RBFOX3: variants seen among roughly 807,000 people sequenced by gnomAD.
RBFOX3 encodes the protein RNA binding protein fox-1 homolog 3.
Under a neutral mutation model 48.7 loss-of-function variants are expected in RBFOX3, and 17 were observed. The observed-to-expected ratio is 0.35, with a 90% CI of 0.24 to 0.52. The LOEUF (loss-of-function observed/expected upper bound fraction) is 0.52. RBFOX3 is among the 20% of genes least tolerant of loss of function. The pLI is 0.94. For missense variants in RBFOX3, 382 were observed against 497.5 expected (o/e 0.77, Z 2.21); for synonymous variants, 212 against 209.5 (o/e 1.01, Z -0.10).
At chr17:79,656,110 T>C in the RBFOX3 span, among the ~76,000 whole-genome samples, 1 of 152,166 alleles carries the variant, frequency 6.6e-6, no homozygotes, top group Admixed American at 6.5e-5. Context: ...AGAACCCACG[T>C]CCTTGTCACA....
intron 2 of RBFOX3, among the ~76,000 whole-genome samples, chr17:79,464,813 C>G (rs1215431326): frequency 1.3e-5 from 2 of 152,266 alleles, no homozygotes; most frequent in African/African-American, 4.8e-5. Context: ...AGGCCAGCCC[C>G]AGCCGCTCAG....
In RBFOX3 at chr17:79,514,910, A is replaced by C. The variant is rs1326318009; in HGVS notation, c.-319-32312T>G. ...TGGGACTTGGTGGGACAGGATGGGG[A>C]GCTTTCCAGAAAGACCAGACAGGAG... On this transcript the variant is annotated intron_variant, in intron 1 of 14. Coordinates refer to ENST00000693108, the MANE Select transcript of RBFOX3 (RefSeq NM_001350451.2). Among the ~76,000 whole-genome samples the C allele has an allele frequency of 3.9e-5, 6 of 152,210 alleles. No individual in the cohort carries two copies. In the East Asian group the frequency reaches 1.2e-3, roughly 29 times the overall value.
At chr17:79,663,445 G>C in the RBFOX3 span, among the ~76,000 whole-genome samples, 1 of 152,174 alleles carries the variant, frequency 6.6e-6, no homozygotes, top group Non-Finnish European at 1.5e-5. Flanking sequence ...GGCTGAGGCT[G>C]TTCTCCTCCC....
At chr17:79,605,234 C>G (rs1052228574) in intron 1 of RBFOX3, among the ~76,000 whole-genome samples, 1 of 152,090 alleles carries the variant, frequency 6.6e-6, no homozygotes, top group Non-Finnish European at 1.5e-5. Context: ...AGACAAGATG[C>G]CTTGGCACAC....
upstream of RBFOX3, among the ~76,000 whole-genome samples, chr17:79,614,261 G>A (rs892909535): frequency 4.6e-5 from 7 of 152,322 alleles, no homozygotes; most frequent in Middle Eastern, 3.4e-3. Context: ...CCTGGGGGCC[G>A]CCAGACACTG....
At chr17:79,631,773 G>A in the RBFOX3 span, among the ~76,000 whole-genome samples, 1 of 152,344 alleles carries the variant, frequency 6.6e-6, no homozygotes, top group African/African-American at 2.4e-5. Flanking sequence ...ATCTTCACGG[G>A]CCTAGCTCCA....
At chr17:79,098,126 C>CTGGAGTCA (rs764710944) in intron 9 of RBFOX3, 32 of 209,454 alleles carry the variant, frequency 1.5e-4, no homozygotes, top group Non-Finnish European at 2.8e-4. Context: ...ATGAGGGTTT[C>CTGGAGTCA]TGGAGTCAGA....
chr17:79,350,417 C>A (rs1465718625), intron 2 of RBFOX3, among the ~76,000 whole-genome samples: 1 of 152,232 alleles, frequency 6.6e-6, no homozygotes. Context: ...ACTGATACAT[C>A]CTGTGACTAT....
intron 1 of RBFOX3, among the ~76,000 whole-genome samples, chr17:79,487,746 C>T (rs1032986428): frequency 2.0e-5 from 3 of 151,704 alleles, no homozygotes; most frequent in African/African-American, 4.8e-5. Context: ...CCTGTCTTTA[C>T]TAAAAATACA....
At chr17:79,105,769 G>A (rs1361380874) in intron 6 of RBFOX3, among the ~76,000 whole-genome samples, 1 of 152,194 alleles carries the variant, frequency 6.6e-6, no homozygotes, top group East Asian at 1.9e-4. Flanking sequence ...CGCAGCAGAG[G>A]TGGGGTGGGC....
chr17:79,402,606 G>T (rs1368995269), intron 2 of RBFOX3, among the ~76,000 whole-genome samples: 1 of 152,218 alleles, frequency 6.6e-6, no homozygotes, highest in African/African-American at 2.4e-5. Flanking sequence ...CACTGCACAG[G>T]AAAGGGTGGG....
chr17:79,180,567 G>A (rs2051680778), intron 4 of RBFOX3, among the ~76,000 whole-genome samples: 1 of 152,188 alleles, frequency 6.6e-6, no homozygotes, highest in African/African-American at 2.4e-5. Flanking sequence ...TATGGCCCTA[G>A]GCCCCTCCTC....
chr17:79,455,823 T>C (rs2149204071), intron 2 of RBFOX3, among the ~76,000 whole-genome samples: 1 of 152,280 alleles, frequency 6.6e-6, no homozygotes, highest in Middle Eastern at 3.4e-3. Context: ...ACATGCACCC[T>C]TGACACCTGC....
At chr17:79,183,120 G>A (rs1371374013) in intron 4 of RBFOX3, 1 of 147,682 alleles carries the variant, frequency 6.8e-6, no homozygotes, top group Non-Finnish European at 1.5e-5. Context: ...CCCTACCCCA[G>A]CCCCGGCGCC....
At chr17:79,545,826 C>T (rs74985510) in intron 1 of RBFOX3, among the ~76,000 whole-genome samples, 6,117 of 152,276 alleles carry the variant, frequency 0.04, 296 homozygotes, top group African/African-American at 0.12. Flanking sequence ...CAGACACACC[C>T]GTGCACACTC....
In RBFOX3 at chr17:79,090,780, G is replaced by T. The variant is rs200637647; in HGVS notation, c.*103C>A. ...TCTTGGTTTGGTTGGTTTTTTTTTT[G>T]TTGCTTGGATCTTAACATCTTTTTT... On this transcript the variant is annotated 3_prime_UTR_variant, in exon 15 of 15. Coordinates refer to ENST00000693108, the MANE Select transcript of RBFOX3 (RefSeq NM_001350451.2). 11 of 1,254,760 alleles carry T rather than the reference G, an allele frequency of 8.8e-6. No homozygotes were observed. The South Asian group carries it at 9.6e-5, about 11-fold the overall frequency. 77.7% of individuals were successfully genotyped at this position (1,254,760 alleles called of 1,614,324 possible).
At chr17:79,221,094 G>A (rs1034885467) in intron 4 of RBFOX3, among the ~76,000 whole-genome samples, 8 of 152,188 alleles carry the variant, frequency 5.3e-5, no homozygotes, top group Non-Finnish European at 7.3e-5. Context: ...CAGGATTTCC[G>A]CTCAGCCCTG....
At chr17:79,240,955 C>T (rs1376093343) in intron 3 of RBFOX3, among the ~76,000 whole-genome samples, 5 of 150,644 alleles carry the variant, frequency 3.3e-5, no homozygotes, top group African/African-American at 4.9e-5. Context: ...TGAGCCACTG[C>T]GCCTGGCCTA....
At chr17:79,152,852 G>A (rs962065391) in intron 4 of RBFOX3, among the ~76,000 whole-genome samples, 1 of 152,240 alleles carries the variant, frequency 6.6e-6, no homozygotes, top group Admixed American at 6.5e-5. Context: ...CACGGCGCCG[G>A]CCTCCGGGAC....
Sources: gnomAD v4.1 joint callset for allele counts (sites outside exome capture counted in the v4.1 genomes callset) on GRCh38, gnomAD v4.1.1 for gene constraint, MANE v1.5 for transcripts, NCBI Gene and HGNC (gene_info 2026-07-23, HGNC 2026-07-21) for gene names.